The following ROBO2 variants were observed in gnomAD, a reference collection of about 807,000 sequenced individuals.
ROBO2 encodes the protein roundabout guidance receptor 2, also known as roundabout homolog 2.
Under a neutral mutation model 160.8 loss-of-function variants are expected in ROBO2, and 53 were observed. The observed-to-expected ratio is 0.33, with a 90% confidence interval of 0.26 to 0.41. The LOEUF (loss-of-function observed/expected upper bound fraction) is 0.41. Ranked by LOEUF, ROBO2 falls within the 10% of genes least tolerant of loss-of-function variation. The pLI is 1.00. For synonymous variants in ROBO2, 664 were observed against 611.7 expected, an observed-to-expected ratio of 1.09 and a Z score of -1.26; for missense variants, 1,577 against 1,722.4, an observed-to-expected ratio of 0.92 and a Z score of 1.49.
chr3:76,451,120 G>A (rs74777572), intron 2 of ROBO2, among the ~76,000 whole-genome samples: 2,827 of 152,196 alleles, frequency 0.019, 76 homozygotes, highest in African/African-American at 0.055. Context: ...GCTCTTCAGT[G>A]CTTTCATCTG....
chr3:76,521,649 G>C (rs1417192491), intron 2 of ROBO2, among the ~76,000 whole-genome samples: 1 of 152,096 alleles, frequency 6.6e-6, no homozygotes, highest in Non-Finnish European at 1.5e-5. Flanking sequence ...TTAAATAATG[G>C]TGAAGTCTCT....
chr3:77,295,182 C>A (rs1373479021), intron 2 of ROBO2, among the ~76,000 whole-genome samples: 3 of 149,372 alleles, frequency 2.0e-5, no homozygotes, highest in African/African-American at 7.6e-5. Context: ...GGCTAGATCA[C>A]TAAAGACATA....
intron 2 of ROBO2, among the ~76,000 whole-genome samples, chr3:75,941,773 G>T (rs1948065938): frequency 6.6e-6 from 1 of 152,216 alleles, no homozygotes; most frequent in Admixed American, 6.5e-5. Context: ...AAGTTAAGGG[G>T]CAAAATTTTG....
In ROBO2 at chr3:76,317,077, A is replaced by G. The variant is rs568708510; in HGVS notation, c.109+379475A>G. ...TAAGAAGACATCTGTCAGTTTTTATAGTGCTTAATTGTTATGTGCGTCTGT... is the reference window on the plus strand; with the variant it reads ...TAAGAAGACATCTGTCAGTTTTTATGGTGCTTAATTGTTATGTGCGTCTGT... On this transcript the variant is annotated intron_variant, in intron 2 of 26. Transcript: ENST00000487694. Among the ~76,000 whole-genome samples, 5 of 152,352 alleles carry G rather than the reference A, an allele frequency of 3.3e-5. No homozygotes were observed. In the South Asian group the frequency reaches 8.3e-4, roughly 25 times the overall value.
At chr3:77,374,263 A>G (rs1179830270) in intron 2 of ROBO2, among the ~76,000 whole-genome samples, 1 of 148,950 alleles carries the variant, frequency 6.7e-6, no homozygotes, top group African/African-American at 2.5e-5. Flanking sequence ...TTATTAGGCC[A>G]GTCTTAGTTT....
At chr3:76,988,872 T>A (rs2149360721) in intron 2 of ROBO2, among the ~76,000 whole-genome samples, 1 of 152,274 alleles carries the variant, frequency 6.6e-6, no homozygotes. Flanking sequence ...AGCCCTGCCC[T>A]GATGCTGCAC....
At chr3:76,604,644 G>A (rs2087495823) in intron 2 of ROBO2, among the ~76,000 whole-genome samples, 1 of 151,952 alleles carries the variant, frequency 6.6e-6, no homozygotes, top group Admixed American at 6.6e-5. Context: ...ATTAGATCTG[G>A]ACCAACCTAC....
At chr3:77,274,274 T>C (rs1347730300) in intron 2 of ROBO2, among the ~76,000 whole-genome samples, 1 of 152,208 alleles carries the variant, frequency 6.6e-6, no homozygotes, top group African/African-American at 2.4e-5. Context: ...TTTTTCATTG[T>C]CTAAGAAGCA....
At chr3:77,356,328 TGA>T (rs150964943) in intron 2 of ROBO2, among the ~76,000 whole-genome samples, 1,666 of 150,852 alleles carry the variant, frequency 0.011, 17 homozygotes, top group Middle Eastern at 0.017. Context: ...TATGTGTGCA[TGA>T]GAGAGAGAGA....
At chr3:76,498,985 C>T (rs1009671911) in intron 2 of ROBO2, among the ~76,000 whole-genome samples, 1 of 152,168 alleles carries the variant, frequency 6.6e-6, no homozygotes, top group Non-Finnish European at 1.5e-5. Flanking sequence ...CTGCGCCCAG[C>T]AGTTTGTCTG....
intron 2 of ROBO2, among the ~76,000 whole-genome samples, chr3:76,994,032 C>G (rs1254109324): frequency 6.6e-6 from 1 of 151,876 alleles, no homozygotes; most frequent in East Asian, 1.9e-4. Context: ...GAGGATCACA[C>G]ATTCTGAGTT....
chr3:77,179,152 A>C lies in ROBO2; in HGVS notation c.388+80812A>C, dbSNP rs561321386. ...TTTAAAAATCTGTCTTTTCCTAATA[A>C]AAATTCAAGAGCTTTAATATTTAGT... On this transcript the variant is annotated intron_variant, in intron 2 of 25. Transcript: ENST00000461745. Among the ~76,000 whole-genome samples the C allele has an allele frequency of 5.9e-5, 9 of 152,014 alleles. No homozygotes were observed. In the East Asian group the frequency reaches 1.7e-3, roughly 29 times the overall value.
At chr3:76,861,066 T>G (rs916487605) in intron 2 of ROBO2, among the ~76,000 whole-genome samples, 1 of 152,242 alleles carries the variant, frequency 6.6e-6, no homozygotes, top group South Asian at 2.1e-4. Context: ...CAAGCCCTCT[T>G]CCCTCTGCAA....
In ROBO2 at chr3:77,418,619, TATG is replaced by T. The variant is rs541535048; in HGVS notation, c.389-58793_389-58791del. Reference sequence around the variant, plus strand: ...AAAAGTATTGTGATTCATACATTCATATGACAGATCGCTTACCCAAATCTCCAT... The same window carrying T: ...AAAAGTATTGTGATTCATACATTCATACAGATCGCTTACCCAAATCTCCAT... On this transcript the variant is annotated intron_variant, in intron 2 of 25. Transcript: ENST00000461745. 1.6e-3 allele frequency among the ~76,000 whole-genome samples: 249 copies of T among 152,268 alleles called. 1 individual carries two copies. The highest frequency in any genetic ancestry group is 5.9e-3 in the African/African-American group (245 of 41,572).
rs1399093541 is a variant in ROBO2, at chr3:76,408,036, G to A, written c.109+470434G>A. Among the ~76,000 whole-genome samples the A allele has an allele frequency of 2.6e-5, 4 of 152,008 alleles. 1 individual carries two copies. Among genetic ancestry groups the A allele is most frequent in the East Asian group, 3.9e-4 (2 of 5,188 alleles). Reference sequence around the variant, plus strand: ...TTTTCTTCTTCCAGTGGGGCCCAGGGAAGCCAAAGATTGAACACCTCTGAT... The same window carrying A: ...TTTTCTTCTTCCAGTGGGGCCCAGGAAAGCCAAAGATTGAACACCTCTGAT... On this transcript the variant is annotated intron_variant, in intron 2 of 26. Transcript: ENST00000487694.
chr3:77,429,482 A>G (rs892236731), intron 2 of ROBO2, among the ~76,000 whole-genome samples: 6 of 151,852 alleles, frequency 4.0e-5, no homozygotes, highest in Non-Finnish European at 8.8e-5. Flanking sequence ...TCAAAATCCT[A>G]TTTTGCTGGT....
intron 2 of ROBO2, among the ~76,000 whole-genome samples, chr3:76,490,097 G>C (rs984254213): frequency 6.6e-6 from 1 of 151,666 alleles, no homozygotes; most frequent in South Asian, 2.1e-4. Flanking sequence ...CACCCTTTTT[G>C]GTATGGAAGG....
intron 2 of ROBO2, among the ~76,000 whole-genome samples, chr3:76,267,478 T>C (rs2107614889): frequency 6.6e-6 from 1 of 152,290 alleles, no homozygotes; most frequent in African/African-American, 2.4e-5. Context: ...ATTTTAGTGT[T>C]GTGTTCATCT....
At chr3:77,375,405 C>T (rs2072490551) in intron 2 of ROBO2, among the ~76,000 whole-genome samples, 1 of 152,160 alleles carries the variant, frequency 6.6e-6, no homozygotes, top group African/African-American at 2.4e-5. Flanking sequence ...CTTTTAAATT[C>T]TAAGATTGTA....
Sources: gnomAD v4.1 joint callset for allele counts (sites outside exome capture counted in the v4.1 genomes callset) on GRCh38, gnomAD v4.1.1 for gene constraint, MANE v1.5 for transcripts, NCBI Gene and HGNC (gene_info 2026-07-23, HGNC 2026-07-21) for gene names.